The following PCDHGB1 variants were observed in gnomAD, a reference collection of about 807,000 sequenced individuals.
The protein encoded by PCDHGB1 is protocadherin gamma-B1.
PCDHGB1 carries 34 observed loss-of-function variants against 56.6 expected under a neutral mutation model. The observed-to-expected ratio is 0.60, with a 90% CI of 0.46 to 0.80. The LOEUF is 0.80. PCDHGB1 is among the 30% of genes least tolerant of loss of function. The pLI is 0.00. For synonymous variants in PCDHGB1, 561 were observed against 505.9 expected, an observed-to-expected ratio of 1.11 and a Z score of -1.46; for missense variants, 1,278 against 1,204.6, an observed-to-expected ratio of 1.06 and a Z score of -0.90.
At chr5:141,410,736 A>G (rs553799279) in intron 1 of PCDHGB1, 1 of 1,334,690 alleles carries the variant, frequency 7.5e-7, no homozygotes, top group East Asian at 2.4e-5. Flanking sequence ...ATAGCTTTTT[A>G]CAATATTTTC....
At chr5:141,393,768 A>G in intron 1 of PCDHGB1, 1 of 1,613,968 alleles carries the variant, frequency 6.2e-7, no homozygotes, top group East Asian at 2.2e-5. Flanking sequence ...TGAAATGGAA[A>G]TACAAGCCGA....
intron 1 of PCDHGB1, chr5:141,478,285 T>G (rs1468354835): frequency 6.2e-7 from 1 of 1,614,040 alleles, no homozygotes; most frequent in Non-Finnish European, 8.5e-7. Context: ...GGAAGCAGTC[T>G]AGAGACCTAT....
chr5:141,376,835 C>T (rs537669685), intron 1 of PCDHGB1: 5 of 249,278 alleles, frequency 2.0e-5, no homozygotes, highest in Non-Finnish European at 3.8e-5. Flanking sequence ...TACAGGCGCC[C>T]GCCACCGCGC....
intron 1 of PCDHGB1, chr5:141,403,345 A>C (rs1267522141): frequency 1.2e-6 from 2 of 1,614,050 alleles, no homozygotes; most frequent in South Asian, 2.2e-5. Context: ...ACAGCGCCCC[A>C]AAGTTCCAGG....
At chr5:141,475,840 A>T in intron 1 of PCDHGB1, 1 of 434,888 alleles carries the variant, frequency 2.3e-6, no homozygotes, top group Non-Finnish European at 4.1e-6. Flanking sequence ...TGTCCTGCTC[A>T]GAGAGCCCGG....
Position 141,492,023 on chromosome 5 carries a change from C to G in PCDHGB1, c.2410-2784C>G, listed in dbSNP as rs536734764. 1.8e-4 allele frequency: 102 copies of G among 564,804 alleles called. 3 individuals carry two copies. In the South Asian group the frequency reaches 2.8e-3, roughly 15 times the overall value. The allele number at this position is 564,804 out of a possible 1,614,324, so 35.0% of individuals were successfully genotyped here. A position where few individuals can be genotyped will look rare whatever the true frequency, so the allele number is the denominator to read the frequency against. On this transcript the variant is annotated intron_variant, in intron 1 of 3. Coordinates refer to ENST00000523390, the MANE Select transcript of PCDHGB1 (RefSeq NM_018922.3). Reference sequence around the variant, plus strand: ...CGATTTCCGCGGGTGTCGGGGGTCCCGGGAGGAGGCAGTCACAGATCCACC... The same window carrying G: ...CGATTTCCGCGGGTGTCGGGGGTCCGGGGAGGAGGCAGTCACAGATCCACC...
intron 1 of PCDHGB1, among the ~76,000 whole-genome samples, chr5:141,433,513 C>T (rs2097615953): frequency 6.6e-6 from 1 of 152,066 alleles, no homozygotes; most frequent in Non-Finnish European, 1.5e-5. Flanking sequence ...GGATTACAGG[C>T]GTGAACCACA....
Position 141,486,791 on chromosome 5 carries a change from C to G in PCDHGB1, c.2410-8016C>G. On this transcript the variant is annotated intron_variant, in intron 1 of 3. Coordinates refer to ENST00000523390, the MANE Select transcript of PCDHGB1 (RefSeq NM_018922.3). The surrounding 1 kb of genome is among the most constrained non-coding windows in gnomAD (Gnocchi z 5.0). ...GCAGTTTGAGGTGCAGGCCCGGGAT[C>G]GGGGCAACCCACCCCTTAGCAGCAC... The G allele has an allele frequency of 1.9e-6, 3 of 1,614,224 alleles. No individual in the cohort carries two copies. The highest frequency in any genetic ancestry group is 2.5e-6 in the Non-Finnish European group (3 of 1,180,046).
chr5:141,497,217 G>A (rs1046945884), intron 2 of PCDHGB1, among the ~76,000 whole-genome samples: 1 of 152,066 alleles, frequency 6.6e-6, no homozygotes, highest in African/African-American at 2.4e-5. Flanking sequence ...AATGGGGGGG[G>A]GAAGATCAGA....
chr5:141,497,413 T>A (rs572922456), intron 2 of PCDHGB1, among the ~76,000 whole-genome samples: 1 of 151,928 alleles, frequency 6.6e-6, no homozygotes, highest in African/African-American at 2.4e-5. Context: ...TCCCATTCCA[T>A]CAAATGAGAG....
In PCDHGB1 at chr5:141,454,484, G is replaced by A. The variant is rs555881095; in HGVS notation, c.2410-40323G>A. On this transcript the variant is annotated intron_variant, in intron 1 of 3. Transcript: ENST00000523390. The stretch of plus-strand genomic sequence containing the variant: ...TGCAATGGCATGATCTCAGCTCACC[G>A]CAACCTCCACCTCCTGGATTCAGGC... Among the ~76,000 whole-genome samples, 7 of 152,218 alleles carry A rather than the reference G, an allele frequency of 4.6e-5. No individual in the cohort carries two copies. In the East Asian group the frequency reaches 7.7e-4, roughly 17 times the overall value.
chr5:141,471,562 G>T (rs2099259935), intron 1 of PCDHGB1: 1 of 152,136 alleles, frequency 6.6e-6, no homozygotes, highest in Non-Finnish European at 1.5e-5. Flanking sequence ...TTGACTCAGG[G>T]GTAGCAGTAG....
intron 1 of PCDHGB1, chr5:141,383,470 T>G (rs1779162782): frequency 6.2e-7 from 1 of 1,613,710 alleles, no homozygotes; most frequent in Non-Finnish European, 8.5e-7. Flanking sequence ...TGAAACTAAG[T>G]ACCCGGAACT....
chr5:141,415,880 A>G, intron 1 of PCDHGB1: 1 of 1,003,078 alleles, frequency 1.0e-6, no homozygotes. Flanking sequence ...TGAGTACAAT[A>G]TTGACAATTC....
At chr5:141,417,892 C>T (rs550343206) in intron 1 of PCDHGB1, 13 of 1,570,660 alleles carry the variant, frequency 8.3e-6, no homozygotes, top group African/African-American at 5.4e-5. Flanking sequence ...GGCGCCGGGC[C>T]GGCCCGCGGC....
chr5:141,390,183 T>G, intron 1 of PCDHGB1: 2 of 1,614,036 alleles, frequency 1.2e-6, no homozygotes, highest in Non-Finnish European at 1.7e-6. Context: ...TTTCCTAAAA[T>G]GTAGTGAGCA....
chr5:141,432,700 G>A lies in PCDHGB1; in HGVS notation c.2410-62107G>A. On this transcript the variant is annotated intron_variant, in intron 1 of 3. Transcript: ENST00000523390. The surrounding 1 kb of genome is among the most constrained non-coding windows in gnomAD (Gnocchi z 6.0). ...AGCAGAGCCTCGTAGTGGCCGTCCAGGACCACGGCCAGCCCCCTCTCTCCG... is the reference window on the plus strand; with the variant it reads ...AGCAGAGCCTCGTAGTGGCCGTCCAAGACCACGGCCAGCCCCCTCTCTCCG... The A allele has an allele frequency of 6.2e-7, 1 of 1,613,980 alleles. No individual in the cohort carries two copies. The highest frequency in any genetic ancestry group is 8.5e-7 in the Non-Finnish European group (1 of 1,179,978).
chr5:141,357,659 T>C (rs183766353), intron 1 of PCDHGB1: 1 of 1,605,624 alleles, frequency 6.2e-7, no homozygotes, highest in Non-Finnish European at 8.5e-7. Flanking sequence ...CACACTGAAA[T>C]ATAGACAAAG....
chr5:141,379,441 A>G (rs185197715), intron 1 of PCDHGB1: 93 of 152,360 alleles, frequency 6.1e-4, no homozygotes, highest in African/African-American at 2.0e-3. Context: ...TGTTATACAT[A>G]TGATTATTTC....
Sources: allele counts gnomAD v4.1 joint callset (sites outside exome capture counted in the v4.1 genomes callset), GRCh38; gene constraint gnomAD v4.1.1; non-coding constraint Gnocchi (gnomAD v3.1); transcripts MANE v1.5; gene names NCBI Gene and HGNC (gene_info 2026-07-23, HGNC 2026-07-21).